Variants in PLEKHA2 observed in about 807,000 individuals in gnomAD.
PLEKHA2 encodes the protein pleckstrin homology domain containing A2.
Under a neutral mutation model 53.2 loss-of-function variants are expected in PLEKHA2, and 28 were observed. The ratio of observed to expected loss-of-function variants is 0.53; its 90% confidence interval spans 0.39 to 0.72. The LOEUF is 0.72. Among genes scored for constraint, PLEKHA2 ranks in the 30% least tolerant of loss-of-function variants. The pLI is 0.00. For synonymous variants in PLEKHA2, 193 were observed against 196.4 expected, an observed-to-expected ratio of 0.98 and a Z score of 0.14; for missense variants, 426 against 537.9, an observed-to-expected ratio of 0.79 and a Z score of 2.06.
chr8:38,905,534 T>G (rs1833858356), intron 1 of PLEKHA2, among the ~76,000 whole-genome samples: 1 of 151,476 alleles, frequency 6.6e-6, no homozygotes, highest in South Asian at 2.1e-4. Flanking sequence ...ACCCAGCCCC[T>G]CCTCCTTCCC....
intron 5 of PLEKHA2, among the ~76,000 whole-genome samples, chr8:38,949,409 T>C (rs557180655): frequency 2.6e-5 from 4 of 152,196 alleles, no homozygotes; most frequent in Non-Finnish European, 5.9e-5. Context: ...ACACAATGTA[T>C]TTTCTATCTA....
In PLEKHA2 at chr8:38,971,688, G is replaced by T. The variant is rs1287794811; in HGVS notation, c.*1905G>T. On this transcript the variant is annotated 3_prime_UTR_variant, in exon 12 of 12. Transcript: ENST00000617275. ...ATTATCTGATAAGGCCGGCAAGGTG[G>T]CTCACGCCTGTAATCCCAGCACTTT... 6.6e-6 allele frequency: 1 copy of T among 152,146 alleles called. No homozygotes were observed. Among genetic ancestry groups the T allele is most frequent in the Non-Finnish European group, 1.5e-5 (1 of 68,046 alleles). The allele number at this position is 152,146 out of a possible 1,614,324, so 9.4% of individuals were successfully genotyped here. A position where few individuals can be genotyped will look rare whatever the true frequency, so the allele number is the denominator to read the frequency against.
intron 3 of PLEKHA2, among the ~76,000 whole-genome samples, chr8:38,938,667 A>T (rs1206836972): frequency 5.3e-5 from 8 of 152,140 alleles, no homozygotes; most frequent in Admixed American, 5.2e-4. Flanking sequence ...CCCTGCTCAC[A>T]TCCCTGACCT....
intron 1 of PLEKHA2, chr8:38,901,939 T>TC (rs1227394574): frequency 1.3e-5 from 2 of 152,026 alleles, no homozygotes; most frequent in East Asian, 1.9e-4. Context: ...CCTCTTTCAC[T>TC]CCCCCGACTA....
Position 38,953,328 on chromosome 8 carries a change from A to C in PLEKHA2, c.734A>C (p.Lys245Thr). 6.2e-7 allele frequency: 1 copy of C among 1,613,444 alleles called. No individual in the cohort carries two copies. The highest frequency in any genetic ancestry group is 1.7e-5 in the Admixed American group (1 of 60,018). ...GAACCACTGCGCACCATATTTCTTAAGGATGTTCTGAAGACCCATGAATGT... is the reference window on the plus strand; with the variant it reads ...GAACCACTGCGCACCATATTTCTTACGGATGTTCTGAAGACCCATGAATGT... ...DREPLRTIFL[K>T]DVLKTHECLV... Residue 245 changes from lysine (K) to threonine (T), a missense_variant, in exon 9 of 12, where the codon AAG (lysine) becomes ACG (threonine). Coordinates refer to ENST00000617275, the MANE Select transcript of PLEKHA2 (RefSeq NM_021623.2).
intron 9 of PLEKHA2, among the ~76,000 whole-genome samples, chr8:38,955,278 C>T (rs1335251011): frequency 6.6e-6 from 1 of 152,068 alleles, no homozygotes; most frequent in Admixed American, 6.6e-5. Flanking sequence ...TTTCTTTCAC[C>T]TCCTCAATAG....
chr8:38,902,224 G>T (rs1012472358), intron 1 of PLEKHA2, among the ~76,000 whole-genome samples: 4 of 136,978 alleles, frequency 2.9e-5, no homozygotes, highest in African/African-American at 1.0e-4. Context: ...AGGGTGTGGG[G>T]GGGGGTGGTG....
chr8:38,914,455 G>A (rs1834001499), intron 1 of PLEKHA2, among the ~76,000 whole-genome samples: 1 of 152,252 alleles, frequency 6.6e-6, no homozygotes, highest in Non-Finnish European at 1.5e-5. Context: ...GCAGTACCGG[G>A]GCTGTTGGGT....
intron 1 of PLEKHA2, among the ~76,000 whole-genome samples, chr8:38,903,120 T>C (rs1833817708): frequency 6.6e-6 from 1 of 152,244 alleles, no homozygotes; most frequent in Non-Finnish European, 1.5e-5. Flanking sequence ...AAAAGAGCAG[T>C]GTGGTTGTTC....
chr8:38,917,806 C>T (rs1834087191), intron 1 of PLEKHA2, 101 bp from the exon 2 acceptor site: 1 of 1,346,676 alleles, frequency 7.4e-7, no homozygotes, highest in Non-Finnish European at 1.0e-6. Context: ...CGGAAGGAAG[C>T]TGGTGAGAGT....
intron 3 of PLEKHA2, among the ~76,000 whole-genome samples, chr8:38,939,865 C>T (rs111984565): frequency 2.7e-4 from 41 of 152,024 alleles, no homozygotes; most frequent in African/African-American, 7.7e-4. Context: ...GTGGGAGGAT[C>T]GCTTGAGGCC....
chr8:38,948,825 G>C (rs1478876166), intron 5 of PLEKHA2, among the ~76,000 whole-genome samples: 1 of 152,064 alleles, frequency 6.6e-6, no homozygotes, highest in African/African-American at 2.4e-5. Context: ...TGTGATGCTG[G>C]GGCACTGGTG....
chr8:38,923,325 G>C (rs1280384905), intron 2 of PLEKHA2, among the ~76,000 whole-genome samples: 1 of 152,190 alleles, frequency 6.6e-6, no homozygotes, highest in Middle Eastern at 3.2e-3. Flanking sequence ...CACTTATCCT[G>C]TGGAGTATGG....
At chr8:38,925,648 A>G (rs1222287393) in intron 2 of PLEKHA2, among the ~76,000 whole-genome samples, 1 of 152,254 alleles carries the variant, frequency 6.6e-6, no homozygotes, top group Non-Finnish European at 1.5e-5. Flanking sequence ...TAATTTTTTT[A>G]AATAAACTGA....
At chr8:38,958,158 T>G (rs1356151603) in intron 10 of PLEKHA2, among the ~76,000 whole-genome samples, 1 of 152,090 alleles carries the variant, frequency 6.6e-6, no homozygotes, top group Non-Finnish European at 1.5e-5. Context: ...AAACCCCATC[T>G]TTATAAAAAT....
chr8:38,924,410 C>T (rs544171819), intron 2 of PLEKHA2, among the ~76,000 whole-genome samples: 2 of 152,162 alleles, frequency 1.3e-5, no homozygotes, highest in African/African-American at 2.4e-5. Flanking sequence ...AATGTTCCCG[C>T]GGGGACTGTG....
At chr8:38,911,526 C>T (rs779343000) in intron 1 of PLEKHA2, among the ~76,000 whole-genome samples, 2 of 151,996 alleles carry the variant, frequency 1.3e-5, no homozygotes, top group Non-Finnish European at 2.9e-5. Context: ...TGTGAGCCAC[C>T]GTGCCAGGCC....
intron 2 of PLEKHA2, among the ~76,000 whole-genome samples, chr8:38,932,281 C>T (rs1224363318): frequency 6.6e-6 from 1 of 152,214 alleles, no homozygotes; most frequent in East Asian, 1.9e-4. Context: ...CAGGTGTGCG[C>T]CACTGCACCT....
intron 10 of PLEKHA2, among the ~76,000 whole-genome samples, chr8:38,968,280 C>T (rs1477211685): frequency 2.0e-5 from 3 of 152,286 alleles, no homozygotes; most frequent in African/African-American, 7.2e-5. Context: ...GGAGGCTAGA[C>T]TGGATCAGTT....
Sources: allele counts gnomAD v4.1 joint callset (sites outside exome capture counted in the v4.1 genomes callset), GRCh38; gene constraint gnomAD v4.1.1; transcripts MANE v1.5; gene names NCBI Gene and HGNC (gene_info 2026-07-23, HGNC 2026-07-21).